Variants in MYG1 observed in about 807,000 individuals in gnomAD.
MYG1 encodes the protein UPF0160 protein MYG1, mitochondrial.
MYG1 carries 36 observed loss-of-function variants against 43.5 expected under a neutral mutation model. The ratio of observed to expected loss-of-function variants is 0.83; its 90% CI spans 0.63 to 1.09. The LOEUF (loss-of-function observed/expected upper bound fraction) is 1.09, where lower values mean the gene tolerates loss of function less well. MYG1 is among the 50% of genes least tolerant of loss of function. The pLI is 0.00. For synonymous variants in MYG1, 220 were observed against 202.8 expected, an observed-to-expected ratio of 1.08 and a Z score of -0.72; for missense variants, 529 against 495.1, an observed-to-expected ratio of 1.07 and a Z score of -0.65.
chr12:53,304,473 C>T (rs1944254843), intron 3 of MYG1, among the ~76,000 whole-genome samples: 1 of 149,946 alleles, frequency 6.7e-6, no homozygotes, highest in Non-Finnish European at 1.5e-5. Context: ...TTAGTAGAAA[C>T]GGGGTTTCAC....
At position 53,306,052 on chromosome 12, in the gene MYG1, G is replaced by A; in HGVS notation, c.634G>A (p.Asp212Asn). 1.9e-6 allele frequency: 3 copies of A among 1,613,116 alleles called. No individual in the cohort carries two copies. Among genetic ancestry groups the A allele is most frequent in the Non-Finnish European group, 2.5e-6 (3 of 1,179,510 alleles). Residue 212 changes from aspartate (D) to asparagine (N), a missense_variant, in exon 4 of 7, where the codon GAC becomes AAC. Asp to Asn is a conservative substitution (Grantham distance 23). Coordinates refer to ENST00000267103, the MANE Select transcript of MYG1 (RefSeq NM_021640.4). ...LNPTWNHPDQ[D>N]TEAGFKRAMD... ...TCCTACCTGGAACCACCCCGACCAA[G>A]ACACTGAGGTAAGGTGGCCTGGGAG... is the stretch of plus-strand genomic sequence containing the variant.
At chr12:53,300,430 C>T in intron 2 of MYG1, 168 bp downstream of exon 2, 1 of 539,526 alleles carries the variant, frequency 1.9e-6, no homozygotes, top group Non-Finnish European at 3.2e-6. Flanking sequence ...CTGTTCTTCA[C>T]CCATCTCCCT....
chr12:53,305,402 T>C (rs1446257950), intron 3 of MYG1, among the ~76,000 whole-genome samples: 2 of 152,170 alleles, frequency 1.3e-5, no homozygotes, highest in Admixed American at 6.5e-5. Context: ...ATGAGGCACA[T>C]TATGGGCTTC....
Position 53,306,728 on chromosome 12 carries a change from T to C in MYG1, c.814T>C (p.Trp272Arg), listed in dbSNP as rs1388078312. The C allele has an allele frequency of 2.5e-6, 4 of 1,614,230 alleles. No homozygotes were observed. Among genetic ancestry groups the C allele is most frequent in the African/African-American group, 1.3e-5 (1 of 75,066 alleles). ...GGAACTGGCGAAAGGTGCATGTCCCTGGAAGGAGCATCTCTACCACCTGGA... is the reference window on the plus strand; with the variant it reads ...GGAACTGGCGAAAGGTGCATGTCCCCGGAAGGAGCATCTCTACCACCTGGA... ...IVELAKGACP[W>R]KEHLYHLESG... is the part of the protein sequence containing the mutation. The change falls in exon 6 of 7, where the codon TGG (tryptophan) becomes CGG (arginine). Residue 272 changes from tryptophan to arginine, a missense_variant. By Grantham distance (101) the Trp-to-Arg change is moderately radical. Coordinates refer to ENST00000267103, the MANE Select transcript of MYG1 (RefSeq NM_021640.4).
chr12:53,302,475 CTCCTTGCATCTGTTCTCCA>C (rs1944239489), intron 2 of MYG1, among the ~76,000 whole-genome samples: 1 of 152,218 alleles, frequency 6.6e-6, no homozygotes, highest in Admixed American at 6.5e-5. Flanking sequence ...TGCAGGTAAT[CTCCTTGCATCTGTTCTCCA>C]TGCTGGCTGG....
chr12:53,301,036 C>T (rs1477257325), intron 2 of MYG1, among the ~76,000 whole-genome samples: 1 of 151,816 alleles, frequency 6.6e-6, no homozygotes, highest in East Asian at 1.9e-4. Flanking sequence ...TCTCCTGTCT[C>T]AGCCTCCCGA....
Position 53,307,050 on chromosome 12 carries a change from T to C in MYG1, c.1032T>C (p.His344=). 6.2e-7 allele frequency: 1 copy of C among 1,614,250 alleles called. No individual in the cohort carries two copies. Among genetic ancestry groups the C allele is most frequent in the Non-Finnish European group, 8.5e-7 (1 of 1,180,040 alleles). The change falls in exon 7 of 7, where the codon CAT becomes CAC. Residue 344 remains histidine (H), a synonymous_variant. Transcript: ENST00000267103. The part of the protein sequence containing the change: ...VSGIPGCIFV[H]ASGFTGGHHT... ...GGATCCCTGGCTGCATCTTCGTCCA[T>C]GCAAGCGGCTTCACTGGCGGTCACC...
intron 3 of MYG1, among the ~76,000 whole-genome samples, chr12:53,304,289 T>G (rs1157105611): frequency 1.3e-5 from 2 of 150,842 alleles, no homozygotes; most frequent in Non-Finnish European, 3.0e-5. Flanking sequence ...TGTTGTTGTT[T>G]TTTTTTGTTT....
chr12:53,303,035 T>A lies in MYG1; in HGVS notation c.331T>A (p.Ser111Thr). 1 of 1,608,842 alleles carries A rather than the reference T, an allele frequency of 6.2e-7. No homozygotes were observed. Among genetic ancestry groups the A allele is most frequent in the Non-Finnish European group, 8.5e-7 (1 of 1,176,550 alleles). Residue 111 changes from serine to threonine, a missense_variant and splice_region_variant, in exon 3 of 7, where the codon TCT (serine) becomes ACT (threonine). Physicochemically the swap from Ser to Thr is moderately conservative, Grantham distance 58. Transcript: ENST00000267103. Reference sequence around the variant, plus strand: ...GCCCCACCTCCCTATGCTCCTCAGGTCTTTCACAGAGACCATGAGCTCCCT... The same window carrying A: ...GCCCCACCTCCCTATGCTCCTCAGGACTTTCACAGAGACCATGAGCTCCCT... The part of the protein sequence containing the change: ...RRHRYDHHQR[S>T]FTETMSSLSP...
chr12:53,304,877 T>G (rs1278797745), intron 3 of MYG1, among the ~76,000 whole-genome samples: 11 of 145,766 alleles, frequency 7.5e-5, no homozygotes, highest in Admixed American at 1.4e-4. Context: ...TTTTTTTTTT[T>G]TTTTTTTTTG....
At chr12:53,305,212 G>C (rs147639656) in intron 3 of MYG1, among the ~76,000 whole-genome samples, 118 of 152,292 alleles carry the variant, frequency 7.7e-4, no homozygotes, top group African/African-American at 2.8e-3. Flanking sequence ...TCCAAACCAA[G>C]AAGAGCTGGG....
intron 3 of MYG1, 38 bp from the exon 4 acceptor site, chr12:53,305,870 A>C (rs748511194): frequency 3.2e-6 from 5 of 1,550,974 alleles, no homozygotes; most frequent in Middle Eastern, 1.7e-4. Flanking sequence ...CATAAGTAGC[A>C]GGTAGCCTCA....
At chr12:53,304,813 CA>C (rs71068105) in intron 3 of MYG1, among the ~76,000 whole-genome samples, 62 of 147,984 alleles carry the variant, frequency 4.2e-4, no homozygotes, top group Non-Finnish European at 6.5e-4. Context: ...AGGCTGGACT[CA>C]AAAACTCCTG....
Position 53,299,913 on chromosome 12 carries a change from C to T in MYG1, c.176C>T (p.Ala59Val). 1 of 1,614,194 alleles carries T rather than the reference C, an allele frequency of 6.2e-7. No homozygotes were observed. The highest frequency in any genetic ancestry group is 8.5e-7 in the Non-Finnish European group (1 of 1,180,032). The change falls in exon 1 of 7, where the codon GCA (alanine) becomes GTA (valine). Residue 59 changes from alanine (A) to valine (V), a missense_variant. Transcript: ENST00000267103. Reference protein sequence around the residue: ...THNGTFHCDEALACALLRLLP... With the variant: ...THNGTFHCDEVLACALLRLLP... ...AATGGCACCTTCCACTGCGACGAGG[C>T]ACTGGCATGCGCACTGCTTCGCCTC...
chr12:53,299,728 GGA>G lies in MYG1; in HGVS notation c.-8_-7del. ...GGTCGGCGCTCCTGCCTCCCTGCAG[GGA>G]GCTGCTTATGGGACACCAATTCCTG... is the stretch of plus-strand genomic sequence containing the variant. On this transcript the variant is annotated 5_prime_UTR_variant, in exon 1 of 7. Coordinates refer to ENST00000267103, the MANE Select transcript of MYG1 (RefSeq NM_021640.4). The G allele has an allele frequency of 6.2e-7, 1 of 1,608,454 alleles. No individual in the cohort carries two copies. Among genetic ancestry groups the G allele is most frequent in the Non-Finnish European group, 8.5e-7 (1 of 1,177,516 alleles).
Position 53,299,934 on chromosome 12 carries a change from G to T in MYG1, c.197G>T (p.Arg66Leu). 6.2e-7 allele frequency: 1 copy of T among 1,614,170 alleles called. No homozygotes were observed. Among genetic ancestry groups the T allele is most frequent in the Non-Finnish European group, 8.5e-7 (1 of 1,180,026 alleles). The change falls in exon 1 of 7, where the codon CGC (arginine) becomes CTC (leucine). Residue 66 changes from arginine (R) to leucine (L), a missense_variant. Physicochemically the swap from Arg to Leu is moderately radical, Grantham distance 102. Coordinates refer to ENST00000267103, the MANE Select transcript of MYG1 (RefSeq NM_021640.4). ...GAGGCACTGGCATGCGCACTGCTTC[G>T]CCTCCTGCCGGAGTACCGGGTACGG... The part of the protein sequence containing the change: ...CDEALACALL[R>L]LLPEYRDAEI...
intron 3 of MYG1, chr12:53,303,941 T>TC (rs1388666247): frequency 6.6e-6 from 1 of 152,044 alleles, no homozygotes; most frequent in Non-Finnish European, 1.5e-5. Flanking sequence ...CCTCCCGGGT[T>TC]CACGCCATTC....
intron 1 of MYG1, 44 bp from the exon 2 acceptor site, chr12:53,300,105 AC>A: frequency 6.5e-7 from 1 of 1,536,968 alleles, no homozygotes; most frequent in Non-Finnish European, 8.8e-7. Context: ...TTAATCCCCT[AC>A]CCGGCGACAC....
chr12:53,305,631 G>C, intron 3 of MYG1: 2 of 284,996 alleles, frequency 7.0e-6, no homozygotes, highest in Non-Finnish European at 1.3e-5. Flanking sequence ...TCAAAAGTTA[G>C]CAGTCCCCTC....
Sources: allele counts gnomAD v4.1 joint callset (sites outside exome capture counted in the v4.1 genomes callset), GRCh38; gene constraint gnomAD v4.1.1; transcripts MANE v1.5; gene names NCBI Gene and HGNC (gene_info 2026-07-23, HGNC 2026-07-21).